The following TM7SF3 variants were observed in gnomAD, a reference collection of about 807,000 sequenced individuals.
The protein encoded by TM7SF3 is transmembrane 7 superfamily member 3.
Under a neutral mutation model 65.5 loss-of-function variants are expected in TM7SF3, and 60 were observed. The ratio of observed to expected loss-of-function variants is 0.92; its 90% CI spans 0.74 to 1.14. The LOEUF (loss-of-function observed/expected upper bound fraction) is 1.14. Among genes scored for constraint, TM7SF3 ranks in the 50% most tolerant of loss-of-function variants. TM7SF3 has a pLI of 0.00. For synonymous variants in TM7SF3, 264 were observed against 259.6 expected (o/e 1.02, Z -0.16); for missense variants, 623 against 684.8 (o/e 0.91, Z 1.01).
intron 9 of TM7SF3, chr12:26,979,096 A>G (rs11048792): frequency 0.076 from 11,586 of 152,298 alleles, 547 homozygotes; most frequent in East Asian, 0.14. Flanking sequence ...TGACAGCCTC[A>G]TGAAATGGCT....
At position 27,009,651 on chromosome 12, in the gene TM7SF3, A is replaced by G. The variant is rs187216105; in HGVS notation, c.91+4427T>C. On this transcript the variant is annotated intron_variant, in intron 1 of 11. Coordinates refer to ENST00000343028, the MANE Select transcript of TM7SF3 (RefSeq NM_016551.3). ...GGCCCCAAGAGATCCTCCCCCACTCAGTCTTCCAAAGTGCTGGGATTACAG... is the reference window on the plus strand; with the variant it reads ...GGCCCCAAGAGATCCTCCCCCACTCGGTCTTCCAAAGTGCTGGGATTACAG... Among the ~76,000 whole-genome samples the G allele has an allele frequency of 2.0e-5, 3 of 152,242 alleles. No homozygotes were observed. In the East Asian group the frequency reaches 5.8e-4, roughly 29 times the overall value.
chr12:27,004,710 T>C (rs1940964760), intron 1 of TM7SF3, among the ~76,000 whole-genome samples: 1 of 152,214 alleles, frequency 6.6e-6, no homozygotes, highest in African/African-American at 2.4e-5. Flanking sequence ...TCTTAACCTC[T>C]ATATATTTTC....
intron 5 of TM7SF3, among the ~76,000 whole-genome samples, chr12:26,993,251 C>A (rs1266222630): frequency 6.6e-6 from 1 of 152,108 alleles, no homozygotes; most frequent in African/African-American, 2.4e-5. Context: ...AAGATCAAAC[C>A]AAGTTCCATG....
chr12:26,978,160 G>A (rs2136378565), intron 9 of TM7SF3: 1 of 370,226 alleles, frequency 2.7e-6, no homozygotes, highest in South Asian at 2.0e-5. Context: ...AACGGTCCTT[G>A]AGCTATGAGA....
intron 9 of TM7SF3, chr12:26,977,886 T>G: frequency 3.5e-6 from 1 of 285,454 alleles, no homozygotes; most frequent in Non-Finnish European, 7.0e-6. Flanking sequence ...GAGGACTGCC[T>G]GAGCCCAGTT....
Position 26,975,627 on chromosome 12 carries a change from G to A in TM7SF3, c.1319C>T (p.Ser440Phe). 6.2e-7 allele frequency: 1 copy of A among 1,613,778 alleles called. No homozygotes were observed. The highest frequency in any genetic ancestry group is 8.5e-7 in the Non-Finnish European group (1 of 1,179,958). ...GTCAATGGCTAAAACCACCGAATAG[G>A]AGCCAATGACTCCACAAGTCAGTAT... ...LNILTCGVIGSYSVVLAIDSY... is the reference protein window; with the variant it reads ...LNILTCGVIGFYSVVLAIDSY... Residue 440 changes from serine (S) to phenylalanine (F), a missense_variant, in exon 11 of 12, where the codon TCC (serine) becomes TTC (phenylalanine). Coordinates refer to ENST00000343028, the MANE Select transcript of TM7SF3 (RefSeq NM_016551.3).
intron 1 of TM7SF3, among the ~76,000 whole-genome samples, chr12:27,011,708 T>C (rs1214924559): frequency 6.6e-6 from 1 of 152,228 alleles, no homozygotes; most frequent in Non-Finnish European, 1.5e-5. Context: ...AGCTGATAGA[T>C]GTGGAGAATA....
intron 2 of TM7SF3, among the ~76,000 whole-genome samples, chr12:27,001,929 C>T (rs750562171): frequency 3.3e-5 from 5 of 152,164 alleles, no homozygotes; most frequent in Admixed American, 6.5e-5. Context: ...GCAAATTCGA[C>T]GTATGTGTGA....
At position 26,995,348 on chromosome 12, in the gene TM7SF3, C is replaced by T; in HGVS notation, c.579G>A (p.Gln193=). 6.2e-7 allele frequency: 1 copy of T among 1,614,182 alleles called. No individual in the cohort carries two copies. Among genetic ancestry groups the T allele is most frequent in the East Asian group, 2.2e-5 (1 of 44,888 alleles). Residue 193 remains glutamine, a synonymous_variant, in exon 5 of 12, where the codon CAG becomes CAA. Coordinates refer to ENST00000343028, the MANE Select transcript of TM7SF3 (RefSeq NM_016551.3). ...GCAGAAAATACTGATAGACATCATACTGCAACCTCCACCTGGAGTCCTGGT... is the reference window on the plus strand; with the variant it reads ...GCAGAAAATACTGATAGACATCATATTGCAACCTCCACCTGGAGTCCTGGT... ...GTDQDSRWRL[Q]YDVYQYFLPE...
At chr12:26,976,235 A>G in intron 10 of TM7SF3, 25 bp downstream of exon 10, 2 of 1,504,428 alleles carry the variant, frequency 1.3e-6, no homozygotes, top group South Asian at 1.1e-5. Flanking sequence ...TAATCAATAA[A>G]TCTAACTTTT....
Position 26,980,635 on chromosome 12 carries a change from T to C in TM7SF3, c.967A>G (p.Ile323Val), listed in dbSNP as rs996868244. ...HRFWKTELFF[I>V]GFIIMGFFFY... is the part of the protein sequence containing the mutation. ...AAGAATCCCATGATGATAAAGCCTA[T>C]GAAGAATAATTCTAAGTGGCAAACC... The change falls in exon 8 of 12, where the codon ATA becomes GTA. Residue 323 changes from isoleucine to valine, a missense_variant. Ile to Val is a conservative substitution (Grantham distance 29). Transcript: ENST00000343028. The C allele has an allele frequency of 1.3e-6, 2 of 1,566,118 alleles. No individual in the cohort carries two copies. The highest frequency in any genetic ancestry group is 1.8e-5 in the Admixed American group (1 of 55,810).
chr12:27,004,223 C>T (rs1291420309), intron 1 of TM7SF3, among the ~76,000 whole-genome samples: 1 of 152,142 alleles, frequency 6.6e-6, no homozygotes, highest in East Asian at 1.9e-4. Context: ...ATCTAACTCT[C>T]AAATAATCCT....
At chr12:26,997,823 CTTTTTTTTTT>C (rs3071165) in intron 3 of TM7SF3, among the ~76,000 whole-genome samples, 1 of 114,062 alleles carries the variant, frequency 8.8e-6, no homozygotes, top group South Asian at 2.9e-4. Flanking sequence ...TTACCACTTC[CTTTTTTTTTT>C]TTTTTTTTTT....
In TM7SF3 at chr12:26,979,827, C is replaced by T; in HGVS notation, c.1146G>A (p.Val382=). The change falls in exon 9 of 12, where the codon GTG becomes GTA. Residue 382 remains valine (V), a synonymous_variant. Coordinates refer to ENST00000343028, the MANE Select transcript of TM7SF3 (RefSeq NM_016551.3). The stretch of plus-strand genomic sequence containing the variant: ...TCACTGACGAGATGAGGAACCCCAG[C>T]ACTAGTCCAACACAGAGCATGCAGA... ...LSICMLCVGL[V]LGFLISSVTF... 1.2e-6 allele frequency: 2 copies of T among 1,614,146 alleles called. No homozygotes were observed. The highest frequency in any genetic ancestry group is 1.7e-6 in the Non-Finnish European group (2 of 1,180,004).
intron 2 of TM7SF3, among the ~76,000 whole-genome samples, chr12:27,000,337 G>A (rs1940778636): frequency 1.3e-5 from 2 of 152,208 alleles, no homozygotes; most frequent in Admixed American, 6.5e-5. Context: ...GTCAAATAAT[G>A]TTTTATCTTA....
At chr12:27,004,045 C>G (rs1279888258) in intron 1 of TM7SF3, among the ~76,000 whole-genome samples, 1 of 152,124 alleles carries the variant, frequency 6.6e-6, no homozygotes, top group Non-Finnish European at 1.5e-5. Flanking sequence ...GCTTAAGGAT[C>G]AAACTGAGTC....
chr12:26,980,776 C>A, intron 7 of TM7SF3, 130 bp from the exon 8 acceptor site: 2 of 538,086 alleles, frequency 3.7e-6, no homozygotes, highest in Non-Finnish European at 6.4e-6. Flanking sequence ...TTACATGTTA[C>A]AGCATTCAGA....
chr12:26,982,856 C>T lies in TM7SF3; in HGVS notation c.872G>A (p.Arg291Lys), dbSNP rs199838819. The T allele has an allele frequency of 2.5e-6, 4 of 1,593,328 alleles. No homozygotes were observed. The highest frequency in any genetic ancestry group is 3.4e-6 in the Non-Finnish European group (4 of 1,173,124). ...AGTGAAGAACACTTTGGAAGACACTCTTCCTAAAAAATAATGAAAATTTAG... is the reference window on the plus strand; with the variant it reads ...AGTGAAGAACACTTTGGAAGACACTTTTCCTAAAAAATAATGAAAATTTAG... ...AGEGSCASLGRVSSKVFFTLF... is the reference protein window; with the variant it reads ...AGEGSCASLGKVSSKVFFTLF... Residue 291 changes from arginine (R) to lysine (K), a missense_variant, in exon 7 of 12, where the codon AGA becomes AAA. By Grantham distance (26) the Arg-to-Lys change is conservative (BLOSUM62 2). Coordinates refer to ENST00000343028, the MANE Select transcript of TM7SF3 (RefSeq NM_016551.3).
At position 26,988,407 on chromosome 12, in the gene TM7SF3, G is replaced by A. The variant is rs184364358; in HGVS notation, c.868+2043C>T. ...TTGAACTCTGGAGCTCAAGCAATCC[G>A]CCCATCTTGACCTCCCAATGTGCTG... is the stretch of plus-strand genomic sequence containing the variant. On this transcript the variant is annotated intron_variant, in intron 6 of 11. Transcript: ENST00000343028. 4.3e-3 allele frequency among the ~76,000 whole-genome samples: 651 copies of A among 152,194 alleles called. 6 individuals are homozygous for A. Among genetic ancestry groups the A allele is most frequent in the African/African-American group, 0.015 (630 of 41,518 alleles).
Sources: allele counts gnomAD v4.1 joint callset (sites outside exome capture counted in the v4.1 genomes callset), GRCh38; gene constraint gnomAD v4.1.1; transcripts MANE v1.5; gene names NCBI Gene and HGNC (gene_info 2026-07-23, HGNC 2026-07-21).